The following PLEKHA7 variants were observed in gnomAD, a reference collection of about 807,000 sequenced individuals.
PLEKHA7 encodes the protein pleckstrin homology domain containing A7, also known as pleckstrin homology domain-containing family A member 7.
In PLEKHA7, 104 loss-of-function variants were observed where a neutral mutation model predicts 170.0. The ratio of observed to expected loss-of-function variants is 0.61; its 90% CI spans 0.52 to 0.72. PLEKHA7 has a LOEUF of 0.72. Among genes scored for constraint, PLEKHA7 ranks in the 30% least tolerant of loss-of-function variants. The pLI is 0.00. For missense variants in PLEKHA7, 1,615 were observed against 1,671.7 expected, an observed-to-expected ratio of 0.97 and a Z score of 0.59; for synonymous variants, 648 against 660.8, an observed-to-expected ratio of 0.98 and a Z score of 0.30.
At chr11:16,989,334 C>T (rs1206972571) in intron 3 of PLEKHA7, among the ~76,000 whole-genome samples, 1 of 152,184 alleles carries the variant, frequency 6.6e-6, no homozygotes, top group African/African-American at 2.4e-5. Context: ...AGACAAATTA[C>T]TCACTCTTTC....
intron 3 of PLEKHA7, among the ~76,000 whole-genome samples, chr11:16,883,226 G>A (rs1396383353): frequency 6.6e-6 from 1 of 152,122 alleles, no homozygotes. Flanking sequence ...AGCAGAAGTT[G>A]GCAAGCTTCG....
At chr11:16,809,953 T>A (rs1185670709) in intron 13 of PLEKHA7, among the ~76,000 whole-genome samples, 1 of 128,744 alleles carries the variant, frequency 7.8e-6, no homozygotes, top group African/African-American at 2.9e-5. Context: ...CTCCACCCAG[T>A]GTGTCCCATT....
At chr11:16,865,634 T>C (rs924259967) in intron 4 of PLEKHA7, among the ~76,000 whole-genome samples, 1 of 148,104 alleles carries the variant, frequency 6.8e-6, no homozygotes, top group African/African-American at 2.5e-5. Context: ...GAGGTAGAGG[T>C]TGCAATGACC....
intron 3 of PLEKHA7, among the ~76,000 whole-genome samples, chr11:16,885,600 CA>C (rs1856035190): frequency 6.7e-6 from 1 of 149,802 alleles, no homozygotes; most frequent in Non-Finnish European, 1.5e-5. Flanking sequence ...AGGAAGATGA[CA>C]AAAATTGGCC....
rs747174791 is a variant in PLEKHA7, at chr11:16,782,917, G to T, written c.3651-21C>A. The T allele has an allele frequency of 2.0e-6, 3 of 1,534,076 alleles. No homozygotes were observed. In the South Asian group the frequency reaches 3.6e-5, roughly 18 times the overall value. On this transcript the variant is annotated intron_variant, in intron 25 of 26. Coordinates refer to ENST00000531066, the MANE Select transcript of PLEKHA7 (RefSeq NM_001329630.2). The stretch of plus-strand genomic sequence containing the variant: ...ACATGCTGTAGGAGGGTCGGAAGCA[G>T]ACCATGGGCCCTCCTGCCCTGGGTA...
chr11:16,794,847 T>G, intron 18 of PLEKHA7, 63 bp downstream of exon 18: 2 of 1,509,568 alleles, frequency 1.3e-6, no homozygotes, highest in Non-Finnish European at 1.8e-6. Flanking sequence ...TTCCCAGCCT[T>G]CCACCCTCCC....
chr11:16,786,906 G>A, intron 23 of PLEKHA7: 1 of 985,312 alleles, frequency 1.0e-6, no homozygotes, highest in Non-Finnish European at 1.2e-6. Flanking sequence ...AGTAGGGCTG[G>A]GGAGGTACAA....
At chr11:16,902,564 G>A (rs893999339) in intron 3 of PLEKHA7, among the ~76,000 whole-genome samples, 7 of 152,208 alleles carry the variant, frequency 4.6e-5, no homozygotes, top group South Asian at 4.1e-4. Flanking sequence ...ATTTCATTAC[G>A]GTTTTGTTTT....
intron 9 of PLEKHA7, among the ~76,000 whole-genome samples, chr11:16,827,657 T>C (rs549374809): frequency 4.6e-5 from 7 of 152,146 alleles, no homozygotes; most frequent in Non-Finnish European, 8.8e-5. Context: ...AGGGTCCTAG[T>C]TGTCTGCATC....
intron 3 of PLEKHA7, among the ~76,000 whole-genome samples, chr11:16,954,545 A>C (rs191678251): frequency 2.7e-3 from 408 of 152,178 alleles, no homozygotes; most frequent in South Asian, 0.01. Flanking sequence ...AAAAAAAAAA[A>C]AACAAAAACT....
chr11:17,013,928 G>A, intron 3 of PLEKHA7, 61 bp downstream of exon 3: 2 of 1,436,316 alleles, frequency 1.4e-6, no homozygotes, highest in Non-Finnish European at 1.8e-6. Context: ...CGCCCGGCGG[G>A]AACGGGGAGG....
chr11:16,836,730 T>C (rs931779754), intron 9 of PLEKHA7, among the ~76,000 whole-genome samples: 3 of 152,190 alleles, frequency 2.0e-5, no homozygotes, highest in Non-Finnish European at 4.4e-5. Flanking sequence ...GAAATGCTAT[T>C]ATGTCTTTAT....
rs113275781 is a variant in PLEKHA7 at position 17,009,214 on chromosome 11, C to T, written c.221+4775G>A. ...CTATGTTCCAGTCCCAGCTCTAACA[C>T]TTCAGCAAAATCATTGAACCTTCAT... On this transcript the variant is annotated intron_variant, in intron 3 of 26. Transcript: ENST00000531066. 6.1e-3 allele frequency among the ~76,000 whole-genome samples: 922 copies of T among 152,324 alleles called. 8 individuals are homozygous for T. The highest frequency in any genetic ancestry group is 0.021 in the African/African-American group (891 of 41,558).
intron 3 of PLEKHA7, among the ~76,000 whole-genome samples, chr11:16,979,066 CTTG>C (rs1863245987): frequency 2.0e-5 from 3 of 152,308 alleles, no homozygotes; most frequent in East Asian, 1.9e-4. Context: ...GAGACGCAGT[CTTG>C]TTGTGCTGCC....
At chr11:17,014,258 GGCCCCC>G (rs1865534145) in intron 1 of PLEKHA7, 52 bp downstream of exon 1, 2 of 1,262,358 alleles carry the variant, frequency 1.6e-6, no homozygotes, top group East Asian at 3.2e-5. Flanking sequence ...GTGCCCGCCC[GGCCCCC>G]GCCCCCGCGC....
chr11:16,797,625 G>C (rs1848322894), intron 17 of PLEKHA7, among the ~76,000 whole-genome samples: 1 of 152,160 alleles, frequency 6.6e-6, no homozygotes, highest in South Asian at 2.1e-4. Context: ...CCTCAGGTCT[G>C]GCAAGCTAAT....
At chr11:16,886,777 C>G (rs145238867) in intron 3 of PLEKHA7, among the ~76,000 whole-genome samples, 1 of 151,220 alleles carries the variant, frequency 6.6e-6, no homozygotes, top group African/African-American at 2.4e-5. Flanking sequence ...GATTTACTTG[C>G]CCCCAACAAT....
intron 3 of PLEKHA7, among the ~76,000 whole-genome samples, chr11:16,894,106 G>T (rs542523407): frequency 6.6e-6 from 1 of 152,228 alleles, no homozygotes; most frequent in African/African-American, 2.4e-5. Flanking sequence ...CAGCTCAGGA[G>T]GGGGAGGTTG....
intron 3 of PLEKHA7, among the ~76,000 whole-genome samples, chr11:16,891,573 T>C (rs1043354656): frequency 6.6e-6 from 1 of 152,354 alleles, no homozygotes; most frequent in East Asian, 1.9e-4. Flanking sequence ...TTTAGTGGCT[T>C]TGATTTACTA....
Sources: gnomAD v4.1 joint callset for allele counts (sites outside exome capture counted in the v4.1 genomes callset) on GRCh38, gnomAD v4.1.1 for gene constraint, MANE v1.5 for transcripts, NCBI Gene and HGNC (gene_info 2026-07-23, HGNC 2026-07-21) for gene names.